The following CSMD3 variants were observed in gnomAD, a reference collection of about 807,000 sequenced individuals.
The protein encoded by CSMD3 is CUB and Sushi multiple domains 3.
Under a neutral mutation model 435.2 loss-of-function variants are expected in CSMD3, and 177 were observed. The observed-to-expected ratio is 0.41, with a 90% CI of 0.36 to 0.46. The LOEUF is 0.46. Among genes scored for constraint, CSMD3 ranks in the 20% least tolerant of loss-of-function variants. The pLI is 0.34. For missense variants in CSMD3, 4,265 were observed against 4,504.6 expected (o/e 0.95, Z 1.52); for synonymous variants, 1,656 against 1,520.5 (o/e 1.09, Z -2.07).
intron 11 of CSMD3, among the ~76,000 whole-genome samples, chr8:112,852,438 G>A (rs1319398483): frequency 6.6e-6 from 1 of 152,056 alleles, no homozygotes; most frequent in Non-Finnish European, 1.5e-5. Context: ...GGGACTGCAT[G>A]CTTCTCTCAT....
chr8:112,964,038 G>A (rs747777177), intron 7 of CSMD3, among the ~76,000 whole-genome samples: 13 of 151,792 alleles, frequency 8.6e-5, no homozygotes, highest in Non-Finnish European at 1.8e-4. Flanking sequence ...ATCATTTACT[G>A]GCTGTGCATC....
rs948524105 is a variant in CSMD3, at chr8:113,173,167, T to A, written c.709+555A>T. On this transcript the variant is annotated intron_variant, in intron 4 of 70. Transcript: ENST00000297405. ...TTTTAAATATAAATATGAAAGCATA[T>A]AAATACACAATGCATGCATAACTAT... Among the ~76,000 whole-genome samples, 23 of 152,140 alleles carry A rather than the reference T, an allele frequency of 1.5e-4. 1 individual carries two copies. The highest frequency in any genetic ancestry group is 3.2e-4 in the Non-Finnish European group (22 of 68,012).
At chr8:113,320,464 A>G (rs1027977892) in intron 1 of CSMD3, among the ~76,000 whole-genome samples, 2 of 152,156 alleles carry the variant, frequency 1.3e-5, no homozygotes, top group African/African-American at 4.8e-5. Flanking sequence ...TGATGTTTTA[A>G]TTTTTTTGAG....
At chr8:113,306,982 A>G (rs2093826520) in intron 2 of CSMD3, among the ~76,000 whole-genome samples, 1 of 146,028 alleles carries the variant, frequency 6.8e-6, no homozygotes, top group South Asian at 2.1e-4. Flanking sequence ...ACGTATCAAG[A>G]AAAAAAAATA....
intron 14 of CSMD3, 73 bp from the exon 15 acceptor site, chr8:112,685,805 T>A: frequency 1.0e-6 from 1 of 961,486 alleles, no homozygotes. Flanking sequence ...TGTCATATTC[T>A]ACAATTATGA....
intron 1 of CSMD3, among the ~76,000 whole-genome samples, chr8:113,396,382 A>G (rs770724154): frequency 6.6e-6 from 1 of 152,186 alleles, no homozygotes; most frequent in Non-Finnish European, 1.5e-5. Context: ...CAAAGTTTTA[A>G]TAAGGCATTT....
At chr8:112,680,896 G>A (rs928191094) in intron 16 of CSMD3, among the ~76,000 whole-genome samples, 1 of 151,996 alleles carries the variant, frequency 6.6e-6, no homozygotes, top group African/African-American at 2.4e-5. Flanking sequence ...TTGGAGACAG[G>A]TAAGAGGAAA....
chr8:112,395,770 G>A (rs947984704), intron 35 of CSMD3, among the ~76,000 whole-genome samples: 6 of 152,114 alleles, frequency 3.9e-5, no homozygotes, highest in African/African-American at 1.4e-4. Context: ...GAAAGCCTGG[G>A]GGTTTAGGAG....
chr8:113,153,634 A>G (rs1166571474), intron 4 of CSMD3, among the ~76,000 whole-genome samples: 1 of 152,092 alleles, frequency 6.6e-6, no homozygotes, highest in African/African-American at 2.4e-5. Flanking sequence ...AGAGTTGTCC[A>G]AAAAGTGAAA....
chr8:112,527,683 C>A (rs2131052566), intron 27 of CSMD3, among the ~76,000 whole-genome samples: 1 of 151,674 alleles, frequency 6.6e-6, no homozygotes, highest in African/African-American at 2.4e-5. Flanking sequence ...TAAAACAAGT[C>A]TCAGTAAATT....
At chr8:112,808,080 T>C (rs914416922) in intron 12 of CSMD3, among the ~76,000 whole-genome samples, 1 of 152,144 alleles carries the variant, frequency 6.6e-6, no homozygotes, top group African/African-American at 2.4e-5. Flanking sequence ...GTCAGAAGAA[T>C]TATTTACAGT....
intron 9 of CSMD3, among the ~76,000 whole-genome samples, chr8:112,936,591 T>C (rs1056513357): frequency 3.0e-4 from 45 of 152,122 alleles, no homozygotes; most frequent in African/African-American, 1.1e-3. Context: ...TCCTTTTTCC[T>C]ATAACTTTTT....
At chr8:112,425,320 C>G (rs910294706) in intron 32 of CSMD3, among the ~76,000 whole-genome samples, 1 of 152,042 alleles carries the variant, frequency 6.6e-6, no homozygotes, top group Non-Finnish European at 1.5e-5. Context: ...AAATTGTGAA[C>G]CCCAATTTTT....
intron 63 of CSMD3, among the ~76,000 whole-genome samples, chr8:112,248,249 A>C (rs1056821030): frequency 8.5e-5 from 13 of 152,108 alleles, no homozygotes; most frequent in Admixed American, 3.3e-4. Context: ...ATGACACTCA[A>C]GTTTTAAATA....
chr8:113,015,388 A>G (rs1325736366), intron 6 of CSMD3, among the ~76,000 whole-genome samples: 1 of 152,034 alleles, frequency 6.6e-6, no homozygotes, highest in Non-Finnish European at 1.5e-5. Context: ...ATGAAAAATA[A>G]ATTTCTGTAA....
intron 14 of CSMD3, among the ~76,000 whole-genome samples, chr8:112,688,962 G>A (rs1019637338): frequency 3.9e-5 from 6 of 151,938 alleles, no homozygotes; most frequent in South Asian, 2.1e-4. Flanking sequence ...TTAAGCCAAC[G>A]TTGTCCTCCT....
intron 38 of CSMD3, among the ~76,000 whole-genome samples, chr8:112,359,854 A>G (rs1051699687): frequency 1.3e-5 from 2 of 152,036 alleles, no homozygotes. Context: ...TATTGAATTT[A>G]TGGACCTAGG....
chr8:112,545,507 T>TAAAA (rs1234962952), intron 27 of CSMD3, among the ~76,000 whole-genome samples: 1 of 93,532 alleles, frequency 1.1e-5, no homozygotes, highest in African/African-American at 4.2e-5. Flanking sequence ...AAAAAAATAA[T>TAAAA]AATAATAATA....
chr8:112,320,036 A>T, intron 45 of CSMD3, 55 bp from the exon 46 acceptor site: 1 of 1,136,662 alleles, frequency 8.8e-7, no homozygotes, highest in Non-Finnish European at 1.3e-6. Flanking sequence ...ATGTATTCAC[A>T]TATGCAAAAA....
Sources: gnomAD v4.1 joint callset for allele counts (sites outside exome capture counted in the v4.1 genomes callset) on GRCh38, gnomAD v4.1.1 for gene constraint, MANE v1.5 for transcripts, NCBI Gene and HGNC (gene_info 2026-07-23, HGNC 2026-07-21) for gene names.